Variants in ZNF148 observed in about 807,000 individuals in gnomAD.
ZNF148 encodes the protein Beta-Enolase Repressor Factor-1.
ZNF148 carries 7 observed loss-of-function variants against 67.7 expected under a neutral mutation model. The observed-to-expected ratio is 0.10, with a 90% CI of 0.06 to 0.19. The LOEUF (loss-of-function observed/expected upper bound fraction) is 0.19. Among genes scored for constraint, ZNF148 ranks in the 10% least tolerant of loss-of-function variants. The probability of loss-of-function intolerance (pLI) is 1.00; values close to 1 mark genes in which losing one functional copy is unlikely to be tolerated. For missense variants in ZNF148, 583 were observed against 947.1 expected (o/e 0.62, Z 5.05); for synonymous variants, 333 against 330.7 (o/e 1.01, Z -0.08).
intron 3 of ZNF148, among the ~76,000 whole-genome samples, chr3:125,319,667 C>T (rs1940683945): frequency 6.6e-6 from 1 of 152,158 alleles, no homozygotes; most frequent in South Asian, 2.1e-4. Flanking sequence ...AGATGTAAGA[C>T]ACTGTGCTGG....
At chr3:125,302,015 A>G (rs1295443151) in intron 4 of ZNF148, among the ~76,000 whole-genome samples, 1 of 152,132 alleles carries the variant, frequency 6.6e-6, no homozygotes, top group East Asian at 1.9e-4. Context: ...CACTGAGCCA[A>G]GACCATGCCA....
intron 1 of ZNF148, among the ~76,000 whole-genome samples, chr3:125,356,396 T>C (rs942114134): frequency 2.0e-5 from 3 of 152,228 alleles, no homozygotes; most frequent in Non-Finnish European, 4.4e-5. Context: ...GTTAAGGTTC[T>C]ATACCTGTAT....
chr3:125,318,942 A>G (rs779678350), intron 3 of ZNF148, among the ~76,000 whole-genome samples: 19 of 152,136 alleles, frequency 1.2e-4, no homozygotes, highest in Non-Finnish European at 2.1e-4. Flanking sequence ...CTACAGGGGT[A>G]TCTAGGGGGC....
chr3:125,333,187 C>CCTT (rs1941358949), intron 1 of ZNF148, among the ~76,000 whole-genome samples: 2 of 152,168 alleles, frequency 1.3e-5, no homozygotes, highest in South Asian at 4.1e-4. Flanking sequence ...AGCATACTCA[C>CCTT]CTTCTTGCAT....
chr3:125,323,627 G>C (rs1446722794), intron 2 of ZNF148, among the ~76,000 whole-genome samples, 183 bp from the exon 3 acceptor site: 2 of 152,130 alleles, frequency 1.3e-5, no homozygotes, highest in African/African-American at 2.4e-5. Flanking sequence ...TACAATAGTG[G>C]TAAGTAGACA....
intron 7 of ZNF148, among the ~76,000 whole-genome samples, chr3:125,273,190 C>T (rs1937850321): frequency 6.6e-6 from 1 of 152,162 alleles, no homozygotes; most frequent in Non-Finnish European, 1.5e-5. Flanking sequence ...TCTAACCCCA[C>T]CCCATTAGCC....
intron 4 of ZNF148, among the ~76,000 whole-genome samples, chr3:125,289,300 G>C (rs1296244936): frequency 2.6e-5 from 4 of 152,130 alleles, no homozygotes; most frequent in Non-Finnish European, 4.4e-5. Flanking sequence ...AGGTTCACGA[G>C]AAAAAATGCA....
In ZNF148 at chr3:125,231,838, T is replaced by C. The variant is rs564113254; in HGVS notation, c.*503A>G. The C allele has an allele frequency of 6.6e-6, 1 of 152,446 alleles. No homozygotes were observed. Among genetic ancestry groups the C allele is most frequent in the African/African-American group, 2.4e-5 (1 of 41,014 alleles). 9.4% of individuals were successfully genotyped at this position (152,446 alleles called of 1,614,324 possible). A position where few individuals can be genotyped will look rare whatever the true frequency, so the allele number is the denominator to read the frequency against. On this transcript the variant is annotated 3_prime_UTR_variant, in exon 9 of 9. Transcript: ENST00000360647. ...ATCATTCTTTTTAAAAGGTGGTTTCTTGGTTTTTTTCCCCCTATAGGACAC... is the reference window on the plus strand; with the variant it reads ...ATCATTCTTTTTAAAAGGTGGTTTCCTGGTTTTTTTCCCCCTATAGGACAC...
intron 7 of ZNF148, among the ~76,000 whole-genome samples, chr3:125,259,647 T>C (rs1341983916): frequency 6.6e-6 from 1 of 152,170 alleles, no homozygotes; most frequent in Non-Finnish European, 1.5e-5. Context: ...AAAAAACCAA[T>C]GTACATTATC....
intron 7 of ZNF148, among the ~76,000 whole-genome samples, chr3:125,239,368 T>C (rs1936241919): frequency 6.6e-6 from 1 of 152,206 alleles, no homozygotes; most frequent in Non-Finnish European, 1.5e-5. Flanking sequence ...GCAATGGATC[T>C]GAATGCGCAT....
chr3:125,305,441 T>C (rs1939821175), intron 4 of ZNF148, among the ~76,000 whole-genome samples: 1 of 152,204 alleles, frequency 6.6e-6, no homozygotes, highest in Non-Finnish European at 1.5e-5. Context: ...TAACAAACTT[T>C]AACTGCTGGA....
At chr3:125,354,252 G>T (rs1942262955) in intron 1 of ZNF148, among the ~76,000 whole-genome samples, 1 of 151,862 alleles carries the variant, frequency 6.6e-6, no homozygotes, top group Non-Finnish European at 1.5e-5. Context: ...TCTTTTTGGA[G>T]ATGTTCACTG....
chr3:125,236,967 GC>G (rs1330257716), intron 7 of ZNF148, among the ~76,000 whole-genome samples: 2 of 152,202 alleles, frequency 1.3e-5, no homozygotes. Flanking sequence ...GGTAATGAAT[GC>G]ATTAACTAAT....
chr3:125,240,274 A>G (rs1332269002), intron 7 of ZNF148, among the ~76,000 whole-genome samples: 1 of 152,148 alleles, frequency 6.6e-6, no homozygotes, highest in African/African-American at 2.4e-5. Context: ...CAGGCGGATC[A>G]CTTAAAGCCA....
At chr3:125,370,089 T>A (rs1053601404) in intron 1 of ZNF148, among the ~76,000 whole-genome samples, 6 of 152,074 alleles carry the variant, frequency 3.9e-5, no homozygotes, top group African/African-American at 1.4e-4. Flanking sequence ...AAAACAGTCA[T>A]TTATGCCTGA....
intron 1 of ZNF148, among the ~76,000 whole-genome samples, chr3:125,338,658 T>TGA (rs1162976066): frequency 1.7e-4 from 1 of 5,910 alleles, no homozygotes; most frequent in Non-Finnish European, 3.9e-4. Flanking sequence ...AGACCCTGTC[T>TGA]CAAAAAAAAA....
At chr3:125,341,217 A>G (rs1259338123) in intron 1 of ZNF148, among the ~76,000 whole-genome samples, 1 of 151,718 alleles carries the variant, frequency 6.6e-6, no homozygotes, top group Non-Finnish European at 1.5e-5. Flanking sequence ...ACAATTATAC[A>G]TTATCCAGAA....
At chr3:125,316,389 A>G (rs1289063724) in intron 3 of ZNF148, among the ~76,000 whole-genome samples, 1 of 152,238 alleles carries the variant, frequency 6.6e-6, no homozygotes, top group East Asian at 1.9e-4. Flanking sequence ...ATTGTATGCT[A>G]GCTCAATTTT....
At chr3:125,333,354 CAG>C (rs768824095) in intron 1 of ZNF148, among the ~76,000 whole-genome samples, 23 of 152,224 alleles carry the variant, frequency 1.5e-4, no homozygotes, top group Non-Finnish European at 2.4e-4. Context: ...AATTTATAAA[CAG>C]AAATTCTGGA....
Sources: allele counts gnomAD v4.1 joint callset (sites outside exome capture counted in the v4.1 genomes callset), GRCh38; gene constraint gnomAD v4.1.1; transcripts MANE v1.5; gene names NCBI Gene and HGNC (gene_info 2026-07-23, HGNC 2026-07-21).